CAPZA2: variants seen among roughly 807,000 people sequenced by gnomAD.
The protein encoded by CAPZA2 is F-actin-capping protein subunit alpha-2.
A neutral mutation model predicts 44.0 loss-of-function variants in CAPZA2; 13 were observed. That is an observed-to-expected ratio of 0.30 (90% CI 0.19 to 0.47). The LOEUF (loss-of-function observed/expected upper bound fraction) is 0.47, where lower values mean the gene tolerates loss of function less well. Among genes scored for constraint, CAPZA2 ranks in the 20% least tolerant of loss-of-function variants. The probability of loss-of-function intolerance (pLI) is 1.00; values close to 1 mark genes in which losing one functional copy is unlikely to be tolerated. For synonymous variants in CAPZA2, 94 were observed against 108.2 expected, an observed-to-expected ratio of 0.87 and a Z score of 0.81; for missense variants, 244 against 338.6, an observed-to-expected ratio of 0.72 and a Z score of 2.19.
chr7:116,890,561 T>C (rs867276775), intron 2 of CAPZA2, among the ~76,000 whole-genome samples: 2 of 12,570 alleles, frequency 1.6e-4, no homozygotes, highest in African/African-American at 6.3e-4. Flanking sequence ...TATATATATA[T>C]ATATATACAC....
rs1011886318 is a variant in CAPZA2 at position 116,865,177 on chromosome 7, C to CTT, written c.39+2552_39+2553dup. Among the ~76,000 whole-genome samples the CTT allele has an allele frequency of 7.2e-3, 631 of 87,976 alleles. 88 individuals are homozygous for CTT. The highest frequency in any genetic ancestry group is 0.023 in the African/African-American group (515 of 22,886). 57.7% of individuals were successfully genotyped at this position (87,976 alleles called of 152,430 possible). On this transcript the variant is annotated intron_variant, in intron 1 of 9. Transcript: ENST00000361183. ...TTCTTGTGACATTATGCGCTCTCTT[C>CTT]TTTTTTTTTTTTTTTTTTTTTTTTT...
rs1434538951 is a variant in CAPZA2, at chr7:116,910,058, C to T, written c.507-175C>T. ...AGTAGGGTGAAAATTAAATATGTAT[C>T]ATAACTGGACTTAACCTTTTGATTA... On this transcript the variant is annotated intron_variant, in intron 6 of 9. Coordinates refer to ENST00000361183, the MANE Select transcript of CAPZA2 (RefSeq NM_006136.3). The T allele has an allele frequency of 5.0e-6, 3 of 597,476 alleles. No homozygotes were observed. In the African/African-American group the frequency reaches 5.6e-5, roughly 11 times the overall value. 37.0% of individuals were successfully genotyped at this position (597,476 alleles called of 1,614,324 possible).
intron 1 of CAPZA2, among the ~76,000 whole-genome samples, chr7:116,877,127 G>C (rs961164194): frequency 5.9e-5 from 9 of 152,176 alleles, no homozygotes; most frequent in African/African-American, 2.2e-4. Context: ...GGCTCTCCCT[G>C]TTTTCCCTAA....
At chr7:116,886,138 C>T (rs980341471) in intron 1 of CAPZA2, 2 of 154,764 alleles carry the variant, frequency 1.3e-5, no homozygotes, top group Non-Finnish European at 2.9e-5. Context: ...TAAATTAGTG[C>T]TTACCAAGTA....
chr7:116,901,461 T>C (rs1164171263), intron 4 of CAPZA2, among the ~76,000 whole-genome samples: 1 of 151,962 alleles, frequency 6.6e-6, no homozygotes, highest in Admixed American at 6.6e-5. Context: ...GAGATAATGA[T>C]GAGAACACAT....
At chr7:116,893,199 C>T (rs567694762) in intron 3 of CAPZA2, among the ~76,000 whole-genome samples, 154 bp downstream of exon 3, 6 of 152,142 alleles carry the variant, frequency 3.9e-5, no homozygotes, top group Non-Finnish European at 7.4e-5. Flanking sequence ...GGTGCGATCT[C>T]GGCTCACTGC....
chr7:116,881,660 A>C (rs2115903327), intron 1 of CAPZA2, among the ~76,000 whole-genome samples: 1 of 145,160 alleles, frequency 6.9e-6, no homozygotes, highest in South Asian at 2.2e-4. Flanking sequence ...AATGGCATGA[A>C]CCCGGGAGGC....
At chr7:116,873,182 G>A (rs2237718) in intron 1 of CAPZA2, among the ~76,000 whole-genome samples, 7,540 of 152,160 alleles carry the variant, frequency 0.05, 391 homozygotes, top group African/African-American at 0.12. Context: ...TAAGCTAAAC[G>A]GTGAGTCATT....
rs183871979 is a variant in CAPZA2 at position 116,899,085 on chromosome 7, T to C, written c.219+250T>C. 6.6e-5 allele frequency among the ~76,000 whole-genome samples: 10 copies of C among 152,180 alleles called. 1 individual carries two copies. The highest frequency in any genetic ancestry group is 2.4e-4 in the African/African-American group (10 of 41,564). ...GTAAATGATTACTGTAAATCTACTT[T>C]CTTATTTTTTTCTGGGAAAAAAATC... On this transcript the variant is annotated intron_variant, in intron 4 of 9. Transcript: ENST00000361183.
intron 1 of CAPZA2, chr7:116,880,125 A>AT (rs768345151): frequency 1.2e-4 from 55 of 463,440 alleles, no homozygotes; most frequent in Middle Eastern, 3.3e-4. Flanking sequence ...AAGTTGGCCA[A>AT]TTTTTTTTTA....
chr7:116,865,791 A>G (rs997264987), intron 1 of CAPZA2, among the ~76,000 whole-genome samples: 1 of 152,112 alleles, frequency 6.6e-6, no homozygotes, highest in African/African-American at 2.4e-5. Flanking sequence ...GATGTTGTCC[A>G]GGGTGGTCTC....
intron 2 of CAPZA2, 90 bp from the exon 3 acceptor site, chr7:116,892,904 A>T: frequency 1.6e-6 from 1 of 632,800 alleles, no homozygotes; most frequent in African/African-American, 1.9e-5. Flanking sequence ...TTGGGGTGGG[A>T]GGTGTTAATA....
At chr7:116,870,385 A>G (rs1199107559) in intron 1 of CAPZA2, among the ~76,000 whole-genome samples, 3 of 152,224 alleles carry the variant, frequency 2.0e-5, no homozygotes, top group South Asian at 2.1e-4. Context: ...TTTTGTGTAA[A>G]AAGAATTCAG....
At chr7:116,898,919 G>A (rs1349470329) in intron 4 of CAPZA2, 84 bp downstream of exon 4, 2 of 775,972 alleles carry the variant, frequency 2.6e-6, no homozygotes, top group South Asian at 1.9e-5. Context: ...TATGCTGCAA[G>A]ATAAAAAATT....
At chr7:116,871,193 A>G (rs932735712) in intron 1 of CAPZA2, among the ~76,000 whole-genome samples, 2 of 152,178 alleles carry the variant, frequency 1.3e-5, no homozygotes, top group African/African-American at 4.8e-5. Flanking sequence ...TAAGAAGTGG[A>G]GAGAGACCTA....
In CAPZA2 at chr7:116,888,116, T is replaced by C; in HGVS notation, c.40-11T>C. 1 of 1,598,338 alleles carries C rather than the reference T, an allele frequency of 6.3e-7. No individual in the cohort carries two copies. Among genetic ancestry groups the C allele is most frequent in the Non-Finnish European group, 8.6e-7 (1 of 1,168,872 alleles). On this transcript the variant is annotated splice_polypyrimidine_tract_variant and intron_variant, in intron 1 of 9. Coordinates refer to ENST00000361183, the MANE Select transcript of CAPZA2 (RefSeq NM_006136.3). ...TGATATGGAACATTTATATCTTTCT[T>C]TCTGTTTCAGGTGCGTATAGCAGCA...
intron 3 of CAPZA2, among the ~76,000 whole-genome samples, chr7:116,895,915 G>C (rs1796919227): frequency 6.6e-6 from 1 of 151,914 alleles, no homozygotes; most frequent in Non-Finnish European, 1.5e-5. Context: ...AATTACTTTT[G>C]TCCTCAAAAG....
At chr7:116,890,553 T>C (rs867775716) in intron 2 of CAPZA2, among the ~76,000 whole-genome samples, 2 of 11,916 alleles carry the variant, frequency 1.7e-4, no homozygotes, top group African/African-American at 6.5e-4. Flanking sequence ...TATATATATA[T>C]ATATATATAT....
chr7:116,888,479 G>A, intron 2 of CAPZA2: 2 of 253,996 alleles, frequency 7.9e-6, no homozygotes, highest in Non-Finnish European at 7.4e-6. Context: ...TTTGGTAAAT[G>A]GTTTTATTTA....
Sources: gnomAD v4.1 joint callset for allele counts (sites outside exome capture counted in the v4.1 genomes callset) on GRCh38, gnomAD v4.1.1 for gene constraint, MANE v1.5 for transcripts, NCBI Gene and HGNC (gene_info 2026-07-23, HGNC 2026-07-21) for gene names.